GAP43: variants seen among roughly 807,000 people sequenced by gnomAD.
GAP43 encodes growth associated protein 43.
GAP43 carries 6 observed loss-of-function variants against 18.6 expected under a neutral mutation model. That is an observed-to-expected ratio of 0.32 (90% CI 0.18 to 0.64). The LOEUF is 0.64. Ranked by LOEUF, GAP43 falls within the 30% of genes least tolerant of loss-of-function variation. The pLI, the probability that GAP43 is intolerant of heterozygous loss-of-function variation, is 0.78. For missense variants in GAP43, 292 were observed against 295.5 expected, an observed-to-expected ratio of 0.99 and a Z score of 0.09; for synonymous variants, 115 against 111.4, an observed-to-expected ratio of 1.03 and a Z score of -0.20.
intron 1 of GAP43, among the ~76,000 whole-genome samples, chr3:115,627,250 G>T (rs1224142539): frequency 6.7e-6 from 1 of 150,244 alleles, no homozygotes; most frequent in African/African-American, 2.5e-5. Context: ...CCCATGCCAG[G>T]GCGCATACAC....
At chr3:115,704,150 CAA>C (rs760212288) in intron 2 of GAP43, among the ~76,000 whole-genome samples, 80 of 152,078 alleles carry the variant, frequency 5.3e-4, no homozygotes, top group Admixed American at 5.2e-4. Context: ...TTTGTTATAA[CAA>C]TATTTTAAAA....
chr3:115,664,231 A>G (rs1161635868), intron 1 of GAP43, among the ~76,000 whole-genome samples: 1 of 151,360 alleles, frequency 6.6e-6, no homozygotes, highest in African/African-American at 2.4e-5. Context: ...AGGGTATTTT[A>G]TGTCATTACT....
chr3:115,697,417 C>T (rs1165045903), intron 2 of GAP43, among the ~76,000 whole-genome samples: 1 of 152,148 alleles, frequency 6.6e-6, no homozygotes, highest in Non-Finnish European at 1.5e-5. Context: ...TCCTTTGTCC[C>T]TGTACATTCT....
At chr3:115,719,836 A>AT (rs1709555109) in intron 2 of GAP43, among the ~76,000 whole-genome samples, 2 of 152,220 alleles carry the variant, frequency 1.3e-5, no homozygotes, top group African/African-American at 4.8e-5. Context: ...TTGTTTGGCA[A>AT]CACAAGTTGT....
At chr3:115,684,452 C>T (rs1709009247) in intron 2 of GAP43, among the ~76,000 whole-genome samples, 1 of 152,106 alleles carries the variant, frequency 6.6e-6, no homozygotes, top group African/African-American at 2.4e-5. Flanking sequence ...TGTATCCATG[C>T]CTGTAGTATA....
chr3:115,628,868 A>T (rs1708225150), intron 1 of GAP43, among the ~76,000 whole-genome samples: 2 of 152,192 alleles, frequency 1.3e-5, no homozygotes, highest in Admixed American at 1.3e-4. Flanking sequence ...CCAGATCTGT[A>T]GATCAGATGT....
intron 1 of GAP43, among the ~76,000 whole-genome samples, chr3:115,634,111 G>A (rs1160227159): frequency 2.0e-5 from 3 of 152,104 alleles, no homozygotes; most frequent in Middle Eastern, 6.8e-3. Flanking sequence ...ATGAAAGTTG[G>A]GAAGACCCTA....
intron 1 of GAP43, among the ~76,000 whole-genome samples, chr3:115,643,436 AT>A (rs1708422384): frequency 6.6e-6 from 1 of 151,988 alleles, no homozygotes; most frequent in South Asian, 2.1e-4. Context: ...ATCCTAATCC[AT>A]TTCAGGTTCT....
chr3:115,705,166 C>G (rs1001280510), intron 2 of GAP43, among the ~76,000 whole-genome samples: 7 of 152,174 alleles, frequency 4.6e-5, no homozygotes, highest in African/African-American at 1.7e-4. Flanking sequence ...GAATATGACT[C>G]ATAAATGCAG....
At chr3:115,687,075 G>A (rs960920328) in intron 2 of GAP43, among the ~76,000 whole-genome samples, 8 of 151,000 alleles carry the variant, frequency 5.3e-5, no homozygotes, top group African/African-American at 2.0e-4. Context: ...GAATGATAGG[G>A]GAAAGTGGAG....
intron 2 of GAP43, among the ~76,000 whole-genome samples, chr3:115,705,161 T>C (rs1709344594): frequency 6.6e-6 from 1 of 152,200 alleles, no homozygotes; most frequent in Non-Finnish European, 1.5e-5. Context: ...TGAATGAATA[T>C]GACTCATAAA....
chr3:115,686,187 A>G (rs1709030628), intron 2 of GAP43, among the ~76,000 whole-genome samples: 1 of 152,210 alleles, frequency 6.6e-6, no homozygotes, highest in Non-Finnish European at 1.5e-5. Context: ...TATTTTAGCA[A>G]TTTGATTAAT....
chr3:115,684,041 A>G (rs1709000765), intron 2 of GAP43, among the ~76,000 whole-genome samples: 1 of 152,214 alleles, frequency 6.6e-6, no homozygotes, highest in Admixed American at 6.5e-5. Context: ...AAAATATTTC[A>G]GTTTGATCAT....
At chr3:115,658,317 G>A (rs998199092) in intron 1 of GAP43, among the ~76,000 whole-genome samples, 1 of 151,870 alleles carries the variant, frequency 6.6e-6, no homozygotes, top group Non-Finnish European at 1.5e-5. Flanking sequence ...TCTTACTCTT[G>A]GGCTTACAAA....
intron 1 of GAP43, among the ~76,000 whole-genome samples, chr3:115,669,010 C>T (rs1049689435): frequency 7.3e-5 from 11 of 150,550 alleles, no homozygotes; most frequent in Admixed American, 5.3e-4. Context: ...AGTGCCACTG[C>T]GCTCCAGCCT....
rs112441126 is a variant in GAP43, at chr3:115,701,747, A to G, written c.629-19047A>G. Among the ~76,000 whole-genome samples the G allele has an allele frequency of 2.9e-3, 438 of 151,796 alleles. 1 individual carries two copies. The highest frequency in any genetic ancestry group is 8.9e-3 in the African/African-American group (370 of 41,378). On this transcript the variant is annotated intron_variant, in intron 2 of 2. Transcript: ENST00000305124. ...TTACTACTTCTGCTGTTGACCTTCT[A>G]TTTTACTGTTTCCCATAATCATAAG...
At chr3:115,689,353 G>A (rs937940494) in intron 2 of GAP43, among the ~76,000 whole-genome samples, 1 of 152,202 alleles carries the variant, frequency 6.6e-6, no homozygotes, top group Non-Finnish European at 1.5e-5. Flanking sequence ...TCAGAATAGA[G>A]CACAGCACAT....
intron 1 of GAP43, among the ~76,000 whole-genome samples, chr3:115,642,141 G>A (rs1004720992): frequency 6.6e-6 from 1 of 152,064 alleles, no homozygotes; most frequent in Admixed American, 6.6e-5. Flanking sequence ...ATGTATATAT[G>A]CCTAAATTTT....
chr3:115,706,138 C>G (rs186972547), intron 2 of GAP43, among the ~76,000 whole-genome samples: 204 of 151,956 alleles, frequency 1.3e-3, no homozygotes, highest in African/African-American at 4.6e-3. Context: ...TATGCCTGTC[C>G]CCAAATAACT....
Sources: gnomAD v4.1 joint callset for allele counts (sites outside exome capture counted in the v4.1 genomes callset) on GRCh38, gnomAD v4.1.1 for gene constraint, MANE v1.5 for transcripts, NCBI Gene and HGNC (gene_info 2026-07-23, HGNC 2026-07-21) for gene names.